PBX3: variants seen among roughly 807,000 people sequenced by gnomAD.
PBX3 encodes the protein pre-B-cell leukemia transcription factor 3.
Under a neutral mutation model 48.5 loss-of-function variants are expected in PBX3, and 14 were observed. That is an observed-to-expected ratio of 0.29 (90% CI 0.19 to 0.45). The LOEUF is 0.45. Ranked by LOEUF, PBX3 falls within the 20% of genes least tolerant of loss-of-function variation. The pLI is 1.00. For synonymous variants in PBX3, 210 were observed against 200.3 expected (o/e 1.05, Z -0.41); for missense variants, 386 against 546.7 (o/e 0.71, Z 2.93).
At chr9:125,873,261 A>G (rs1483019092) in intron 2 of PBX3, among the ~76,000 whole-genome samples, 1 of 151,984 alleles carries the variant, frequency 6.6e-6, no homozygotes, top group Non-Finnish European at 1.5e-5. Flanking sequence ...TTGTGGGGAG[A>G]TTTATCATAT....
chr9:125,930,377 C>T (rs530573532), intron 4 of PBX3, among the ~76,000 whole-genome samples: 1 of 152,172 alleles, frequency 6.6e-6, no homozygotes, highest in South Asian at 2.1e-4. Flanking sequence ...TGAAGCTTTC[C>T]CCAAGTTTCA....
chr9:125,859,643 A>G (rs1839810924), intron 2 of PBX3, among the ~76,000 whole-genome samples: 2 of 152,204 alleles, frequency 1.3e-5, no homozygotes, highest in Admixed American at 1.3e-4. Context: ...CAAAACCCAC[A>G]GGATACCACA....
At chr9:125,757,731 G>T (rs1836558563) in intron 2 of PBX3, among the ~76,000 whole-genome samples, 1 of 152,134 alleles carries the variant, frequency 6.6e-6, no homozygotes, top group South Asian at 2.1e-4. Context: ...AAATGATTGT[G>T]TGCTAGATAA....
chr9:125,902,078 T>TG (rs1840959006), intron 2 of PBX3, among the ~76,000 whole-genome samples: 1 of 151,030 alleles, frequency 6.6e-6, no homozygotes, highest in Non-Finnish European at 1.5e-5. Context: ...AAACAACTTG[T>TG]GGTTTTTTTT....
chr9:125,772,161 C>G (rs2132004254), intron 2 of PBX3, among the ~76,000 whole-genome samples: 1 of 152,292 alleles, frequency 6.6e-6, no homozygotes, highest in South Asian at 2.1e-4. Context: ...GTTTTTCATT[C>G]TACTCTCAAG....
At chr9:125,836,954 T>C (rs1462844716) in intron 2 of PBX3, among the ~76,000 whole-genome samples, 1 of 152,234 alleles carries the variant, frequency 6.6e-6, no homozygotes, top group East Asian at 1.9e-4. Flanking sequence ...GTACAACCTT[T>C]CTTTGAGGGC....
At chr9:125,811,674 C>T (rs1026957990) in intron 2 of PBX3, among the ~76,000 whole-genome samples, 1 of 152,176 alleles carries the variant, frequency 6.6e-6, no homozygotes, top group Non-Finnish European at 1.5e-5. Context: ...TGAGAATGGA[C>T]TAATACAGGC....
intron 2 of PBX3, among the ~76,000 whole-genome samples, chr9:125,847,219 G>T (rs2132248300): frequency 6.6e-6 from 1 of 151,670 alleles, no homozygotes; most frequent in African/African-American, 2.4e-5. Context: ...GTTTATTTGG[G>T]GTAGCAAAAT....
At chr9:125,918,987 G>A (rs1055283869) in intron 3 of PBX3, among the ~76,000 whole-genome samples, 9 of 152,146 alleles carry the variant, frequency 5.9e-5, no homozygotes, top group Non-Finnish European at 1.3e-4. Flanking sequence ...TTATAGAGGA[G>A]AAAATGAGAC....
intron 2 of PBX3, among the ~76,000 whole-genome samples, chr9:125,896,086 T>C (rs568218907): frequency 3.3e-5 from 5 of 152,162 alleles, no homozygotes; most frequent in African/African-American, 1.2e-4. Context: ...TACCACTAAA[T>C]ATATGGATTA....
At chr9:125,849,355 C>A (rs533389362) in intron 2 of PBX3, among the ~76,000 whole-genome samples, 1 of 150,192 alleles carries the variant, frequency 6.7e-6, no homozygotes, top group East Asian at 2.0e-4. Context: ...TCAGGGTGCA[C>A]ATGGTGGATT....
chr9:125,954,318 A>G (rs1842256111), intron 5 of PBX3, among the ~76,000 whole-genome samples: 1 of 152,250 alleles, frequency 6.6e-6, no homozygotes, highest in Admixed American at 6.5e-5. Context: ...TAAACTAACT[A>G]TAATGATGGT....
chr9:125,852,195 A>G (rs1249695839), intron 2 of PBX3, among the ~76,000 whole-genome samples: 1 of 152,140 alleles, frequency 6.6e-6, no homozygotes, highest in Non-Finnish European at 1.5e-5. Flanking sequence ...GGATTATGCC[A>G]TCATTATTGC....
intron 2 of PBX3, among the ~76,000 whole-genome samples, chr9:125,781,005 G>C (rs1368177326): frequency 9.6e-6 from 1 of 103,934 alleles, no homozygotes; most frequent in Non-Finnish European, 1.9e-5. Flanking sequence ...ATGGGATGGC[G>C]GCCGGGCAGA....
intron 2 of PBX3, among the ~76,000 whole-genome samples, chr9:125,784,078 AT>A (rs528934564): frequency 4.1e-4 from 62 of 152,192 alleles, no homozygotes; most frequent in African/African-American, 1.3e-3. Flanking sequence ...GTTTCTGTTA[AT>A]GTCTTCTGTG....
At chr9:125,875,719 A>C (rs916765697) in intron 2 of PBX3, among the ~76,000 whole-genome samples, 3 of 152,202 alleles carry the variant, frequency 2.0e-5, no homozygotes, top group Admixed American at 6.5e-5. Context: ...CTACTCAAAC[A>C]TTTAATTATT....
chr9:125,886,061 C>T (rs561255293), intron 2 of PBX3, among the ~76,000 whole-genome samples: 118 of 152,086 alleles, frequency 7.8e-4, no homozygotes, highest in Non-Finnish European at 1.3e-3. Flanking sequence ...TGAGTCTTTG[C>T]AACTTTGCTC....
intron 2 of PBX3, among the ~76,000 whole-genome samples, chr9:125,879,995 C>G (rs1021457158): frequency 6.6e-6 from 1 of 152,132 alleles, no homozygotes; most frequent in Non-Finnish European, 1.5e-5. Context: ...CTATAAAGAA[C>G]TATAAAAATG....
At chr9:125,802,196 G>A (rs1173294587) in intron 2 of PBX3, among the ~76,000 whole-genome samples, 5 of 151,876 alleles carry the variant, frequency 3.3e-5, no homozygotes, top group Non-Finnish European at 7.4e-5. Context: ...GCTGAGGTTT[G>A]GGGTTGATCT....
Sources: allele counts gnomAD v4.1 joint callset (sites outside exome capture counted in the v4.1 genomes callset), GRCh38; gene constraint gnomAD v4.1.1; transcripts MANE v1.5; gene names NCBI Gene and HGNC (gene_info 2026-07-23, HGNC 2026-07-21).